SHOC1: variants seen among roughly 807,000 people sequenced by gnomAD.
SHOC1 encodes shortage in chiasmata 1.
Under a neutral mutation model 179.2 loss-of-function variants are expected in SHOC1, and 136 were observed. The observed-to-expected ratio is 0.76, with a 90% CI of 0.66 to 0.87. The LOEUF (loss-of-function observed/expected upper bound fraction) is 0.87, where lower values mean the gene tolerates loss of function less well. Among genes scored for constraint, SHOC1 ranks in the 40% least tolerant of loss-of-function variants. SHOC1 has a pLI of 0.00. For missense variants in SHOC1, 1,538 were observed against 1,700.8 expected (o/e 0.90, Z 1.68); for synonymous variants, 489 against 586.6 (o/e 0.83, Z 2.41).
chr9:111,692,224 C>A lies in SHOC1; in HGVS notation c.3753G>T (p.Gln1251His). 1 of 1,613,500 alleles carries A rather than the reference C, an allele frequency of 6.2e-7. No homozygotes were observed. Among genetic ancestry groups the A allele is most frequent in the South Asian group, 1.1e-5 (1 of 91,038 alleles). Residue 1251 changes from glutamine to histidine, a missense_variant, in exon 27 of 28, where the codon CAG (glutamine) becomes CAT (histidine). Transcript: ENST00000682961. ...AGCTGGAGTCTTTCCAGTAGCTGGT[C>A]TGATTGTATGAAGTCACAGGTGGTA... is the stretch of plus-strand genomic sequence containing the variant. ...SFLPPVTSYN[Q>H]TSYWKDSSCK...
Position 111,756,396 on chromosome 9 carries a change from A to T in SHOC1, c.791T>A (p.Leu264Gln), listed in dbSNP as rs1220353568. The T allele has an allele frequency of 6.2e-7, 1 of 1,611,258 alleles. No homozygotes were observed. The highest frequency in any genetic ancestry group is 1.1e-5 in the South Asian group (1 of 90,756). ...PEIDIPSLSE[L>Q]KELLNPVPEI... ...TGGCACTGGGTTTAATAACTCCTTC[A>T]GTTCTGAGAGTGATGGAATATCAAT... Residue 264 changes from leucine to glutamine, a missense_variant, in exon 8 of 28, where the codon CTG becomes CAG. Physicochemically the swap from Leu to Gln is moderately radical, Grantham distance 113 (BLOSUM62 -2). Transcript: ENST00000682961.
chr9:111,713,435 A>G (rs1190579747), intron 17 of SHOC1, among the ~76,000 whole-genome samples: 1 of 152,206 alleles, frequency 6.6e-6, no homozygotes, highest in Non-Finnish European at 1.5e-5. Flanking sequence ...GACTATCAAT[A>G]CATAGGTTGT....
intron 12 of SHOC1, among the ~76,000 whole-genome samples, chr9:111,731,403 T>G (rs1833561914): frequency 6.6e-6 from 1 of 152,186 alleles, no homozygotes; most frequent in African/African-American, 2.4e-5. Flanking sequence ...CTCCTTTCAC[T>G]TGAAGACTTA....
In SHOC1 at chr9:111,746,323, T is replaced by C; in HGVS notation, c.990A>G (p.Leu330=). The C allele has an allele frequency of 1.2e-6, 2 of 1,607,394 alleles. No homozygotes were observed. The highest frequency in any genetic ancestry group is 1.7e-6 in the Non-Finnish European group (2 of 1,174,222). Residue 330 remains leucine, a synonymous_variant, in exon 10 of 28, where the codon CTA becomes CTG. Coordinates refer to ENST00000682961, the MANE Select transcript of SHOC1 (RefSeq NM_001378211.1). ...GTTGGCATGTTAGGAATAGAGGAGT[T>C]AGTGGCATTTCTAACTCTCCTGGAA... ...CSKPGELEMP[L]TPLFLTCQHS... is the part of the protein sequence containing the mutation.
rs1437016416 is a variant in SHOC1 at position 111,758,700 on chromosome 9, AAAATTAGCT to A, written c.582_590del (p.Glu194_Phe197delinsAsp). 1.3e-6 allele frequency: 2 copies of A among 1,573,890 alleles called. No homozygotes were observed. Among genetic ancestry groups the A allele is most frequent in the Admixed American group, 4.2e-5 (2 of 47,224 alleles). ...TTGGTCAATTAAGTAAGTACCTGGA[AAAATTAGCT>A]TCTGTGAAGATCTGTCCTTTGAAAT... On this transcript the variant is annotated inframe_deletion, in exon 6 of 28. Transcript: ENST00000682961.
rs796760796 is a variant in SHOC1, at chr9:111,719,680, T to G, written c.2132-1392A>C. Among the ~76,000 whole-genome samples the G allele has an allele frequency of 1.1e-4, 17 of 152,172 alleles. No individual in the cohort carries two copies. In the South Asian group the frequency reaches 3.5e-3, roughly 32 times the overall value. Reference sequence around the variant, plus strand: ...CCCCAAAGTGTTGATCTTGATGCCTTTCTGTGGCTCAGGTATTTCAAGTAG... The same window carrying G: ...CCCCAAAGTGTTGATCTTGATGCCTGTCTGTGGCTCAGGTATTTCAAGTAG... On this transcript the variant is annotated intron_variant, in intron 15 of 27. Transcript: ENST00000682961.
At chr9:111,727,218 A>G (rs1197527096) in intron 13 of SHOC1, among the ~76,000 whole-genome samples, 1 of 152,164 alleles carries the variant, frequency 6.6e-6, no homozygotes, top group Non-Finnish European at 1.5e-5. Flanking sequence ...AGAAACAATT[A>G]AGTAGACAGA....
chr9:111,716,291 C>G (rs765369633), intron 16 of SHOC1, among the ~76,000 whole-genome samples: 7 of 150,108 alleles, frequency 4.7e-5, no homozygotes, highest in Non-Finnish European at 1.0e-4. Flanking sequence ...TCAGTGGTCT[C>G]ACTTAACTAG....
intron 13 of SHOC1, among the ~76,000 whole-genome samples, chr9:111,727,173 A>G (rs983243785): frequency 6.6e-6 from 1 of 152,198 alleles, no homozygotes; most frequent in Non-Finnish European, 1.5e-5. Context: ...TAAGACAGTT[A>G]CAACTCAAAC....
At chr9:111,778,770 C>CAAAAA (rs11295075) in intron 4 of SHOC1, among the ~76,000 whole-genome samples, 46 of 73,984 alleles carry the variant, frequency 6.2e-4, no homozygotes, top group East Asian at 1.2e-3. Context: ...GACTCTGTCT[C>CAAAAA]AAAAAAAAAA....
At chr9:111,778,474 A>G (rs1835909598) in intron 4 of SHOC1, among the ~76,000 whole-genome samples, 1 of 152,166 alleles carries the variant, frequency 6.6e-6, no homozygotes, top group Non-Finnish European at 1.5e-5. Context: ...TGGTAAAAAA[A>G]TGTTATGAAT....
At chr9:111,746,903 CTG>C (rs1834316150) in intron 9 of SHOC1, among the ~76,000 whole-genome samples, 1 of 152,050 alleles carries the variant, frequency 6.6e-6, no homozygotes, top group Non-Finnish European at 1.5e-5. Context: ...ATTGAGTTTA[CTG>C]TGTTTAACAT....
intron 2 of SHOC1, among the ~76,000 whole-genome samples, chr9:111,786,650 G>A (rs138100092): frequency 2.4e-4 from 36 of 151,416 alleles, no homozygotes; most frequent in Admixed American, 7.9e-4. Flanking sequence ...AAACTTTTCC[G>A]TTATTATTCT....
chr9:111,724,739 C>A (rs1445106883), intron 13 of SHOC1, among the ~76,000 whole-genome samples: 1 of 152,154 alleles, frequency 6.6e-6, no homozygotes, highest in East Asian at 1.9e-4. Flanking sequence ...TCCAGGCCAG[C>A]AAAGGGCTCC....
intron 10 of SHOC1, among the ~76,000 whole-genome samples, chr9:111,743,685 C>T (rs565735892): frequency 1.4e-4 from 21 of 152,208 alleles, no homozygotes; most frequent in African/African-American, 3.9e-4. Flanking sequence ...TAATGTCTTA[C>T]TATGGCTAAT....
intron 3 of SHOC1, among the ~76,000 whole-genome samples, chr9:111,782,857 T>A (rs1836123301): frequency 6.6e-6 from 1 of 152,182 alleles, no homozygotes; most frequent in Admixed American, 6.5e-5. Flanking sequence ...TACCTTCACA[T>A]AGAAAACTGA....
Position 111,713,334 on chromosome 9 carries a change from A to C in SHOC1, c.2416-162T>G, listed in dbSNP as rs748553014. On this transcript the variant is annotated intron_variant, in intron 17 of 27. Coordinates refer to ENST00000682961, the MANE Select transcript of SHOC1 (RefSeq NM_001378211.1). ...GTAAAAAATGTCAATACTTAAACTC[A>C]AGGAATATATTCTGGTAAGATCAAA... Among the ~76,000 whole-genome samples the C allele has an allele frequency of 7.9e-5, 12 of 152,194 alleles. 1 individual carries two copies. Among genetic ancestry groups the C allele is most frequent in the Non-Finnish European group, 1.8e-4 (12 of 68,024 alleles).
chr9:111,736,962 C>T (rs1309806309), intron 12 of SHOC1, among the ~76,000 whole-genome samples: 1 of 152,140 alleles, frequency 6.6e-6, no homozygotes, highest in Non-Finnish European at 1.5e-5. Flanking sequence ...GAAAAAAGTG[C>T]TCAACATCAC....
intron 26 of SHOC1, 101 bp downstream of exon 26, chr9:111,693,698 T>C (rs950052764): frequency 6.4e-5 from 46 of 720,530 alleles, no homozygotes; most frequent in Non-Finnish European, 9.0e-5. Flanking sequence ...CCAAAACAAT[T>C]AAACTTGGAT....
Sources: gnomAD v4.1 joint callset for allele counts (sites outside exome capture counted in the v4.1 genomes callset) on GRCh38, gnomAD v4.1.1 for gene constraint, MANE v1.5 for transcripts, NCBI Gene and HGNC (gene_info 2026-07-23, HGNC 2026-07-21) for gene names.